Variants in ADCY9 observed in about 807,000 individuals in gnomAD.
ADCY9 encodes the protein adenylate cyclase 9, also known as adenylate cyclase type 9.
ADCY9 carries 50 observed loss-of-function variants against 101.5 expected under a neutral mutation model. The observed-to-expected ratio is 0.49, with a 90% CI of 0.39 to 0.62. The LOEUF (loss-of-function observed/expected upper bound fraction) is 0.62. Among genes scored for constraint, ADCY9 ranks in the 20% least tolerant of loss-of-function variants. The pLI is 0.00. For synonymous variants in ADCY9, 905 were observed against 769.3 expected (o/e 1.18, Z -2.92); for missense variants, 1,662 against 1,800.4 (o/e 0.92, Z 1.39).
intron 7 of ADCY9, among the ~76,000 whole-genome samples, chr16:3,979,955 G>A (rs1421516843): frequency 1.9e-5 from 2 of 104,334 alleles, no homozygotes; most frequent in Admixed American, 1.2e-4. Flanking sequence ...TGGAAACTGA[G>A]TGACAGTGGT....
chr16:4,004,094 A>T (rs1360031925), intron 3 of ADCY9, among the ~76,000 whole-genome samples: 4 of 151,782 alleles, frequency 2.6e-5, no homozygotes, highest in Non-Finnish European at 2.9e-5. Context: ...AAAAAAATTT[A>T]AAAATTAGCT....
intron 3 of ADCY9, among the ~76,000 whole-genome samples, chr16:4,000,140 A>G (rs2056319406): frequency 6.6e-6 from 1 of 152,252 alleles, no homozygotes; most frequent in Non-Finnish European, 1.5e-5. Context: ...AGGAATAGTC[A>G]TGATATTGCA....
intron 3 of ADCY9, among the ~76,000 whole-genome samples, chr16:3,999,054 G>A (rs1251493059): frequency 3.3e-5 from 5 of 152,068 alleles, no homozygotes; most frequent in Admixed American, 3.3e-4. Flanking sequence ...TCTGTGAAAT[G>A]TTTCCCAGCC....
intron 3 of ADCY9, among the ~76,000 whole-genome samples, chr16:4,002,612 C>A (rs187013575): frequency 6.6e-6 from 1 of 152,232 alleles, no homozygotes; most frequent in East Asian, 1.9e-4. Context: ...AGACCAGCCA[C>A]GCAGGTGCGC....
chr16:4,002,768 G>A (rs538116481), intron 3 of ADCY9, among the ~76,000 whole-genome samples: 11 of 152,310 alleles, frequency 7.2e-5, no homozygotes, highest in South Asian at 2.1e-4. Flanking sequence ...AGTCTGAAGT[G>A]CAGTGGCGTG....
chr16:4,061,824 TATAA>T (rs2056775255), intron 2 of ADCY9, among the ~76,000 whole-genome samples: 1 of 152,242 alleles, frequency 6.6e-6, no homozygotes, highest in African/African-American at 2.4e-5. Context: ...ACAGCAGATT[TATAA>T]ATAGTCTCTT....
chr16:4,112,539 ACGTCTCTGACTGACACTATTACTTCTGC>A (rs1283826798), intron 2 of ADCY9, among the ~76,000 whole-genome samples: 1 of 152,044 alleles, frequency 6.6e-6, no homozygotes, highest in Non-Finnish European at 1.5e-5. Context: ...CAACCACTGG[ACGTCTCTGACTGACACTATTACTTCTGC>A]CGTCTCTGAT....
At chr16:4,030,153 C>G (rs1371226577) in intron 2 of ADCY9, among the ~76,000 whole-genome samples, 1 of 152,170 alleles carries the variant, frequency 6.6e-6, no homozygotes, top group Non-Finnish European at 1.5e-5. Context: ...AATTCCCCTT[C>G]TAGACATTGA....
intron 2 of ADCY9, among the ~76,000 whole-genome samples, chr16:4,098,211 T>C (rs1290624860): frequency 4.6e-5 from 7 of 151,708 alleles, no homozygotes; most frequent in Admixed American, 4.6e-4. Flanking sequence ...TACGTTTTGG[T>C]TTGGGATTTT....
At chr16:4,091,193 C>T (rs982298860) in intron 2 of ADCY9, among the ~76,000 whole-genome samples, 2 of 152,256 alleles carry the variant, frequency 1.3e-5, no homozygotes, top group African/African-American at 2.4e-5. Context: ...CCTGCCTCAG[C>T]CTCCCGAGTA....
At chr16:4,085,077 G>A (rs557809101) in intron 2 of ADCY9, among the ~76,000 whole-genome samples, 6 of 152,132 alleles carry the variant, frequency 3.9e-5, no homozygotes, top group Admixed American at 2.6e-4. Flanking sequence ...GGAGGACACT[G>A]GAAGCTGGAC....
chr16:4,040,302 T>C (rs766060096), intron 2 of ADCY9, among the ~76,000 whole-genome samples: 1 of 151,958 alleles, frequency 6.6e-6, no homozygotes, highest in Admixed American at 6.6e-5. Context: ...TGCGGTGAGG[T>C]TGGGTTTTTC....
At chr16:3,970,884 G>C (rs2056045336) in intron 10 of ADCY9, among the ~76,000 whole-genome samples, 1 of 152,124 alleles carries the variant, frequency 6.6e-6, no homozygotes, top group Non-Finnish European at 1.5e-5. Flanking sequence ...AGATGGACTG[G>C]AGCATGGCTA....
chr16:3,974,819 T>C (rs1027968734), intron 9 of ADCY9, 109 bp from the exon 10 acceptor site: 15 of 852,588 alleles, frequency 1.8e-5, no homozygotes, highest in Non-Finnish European at 9.7e-6. Flanking sequence ...GACGTGGTTG[T>C]ACATCCACAT....
Position 3,965,689 on chromosome 16 carries a change from G to T in ADCY9, c.*86C>A. On this transcript the variant is annotated 3_prime_UTR_variant, in exon 11 of 11. Coordinates refer to ENST00000294016, the MANE Select transcript of ADCY9 (RefSeq NM_001116.4). ...AACACCACGTCCGGGGAGGGCAACTGTGGCGCTTGGAAAGCACAACAGCCA... is the reference window on the plus strand; with the variant it reads ...AACACCACGTCCGGGGAGGGCAACTTTGGCGCTTGGAAAGCACAACAGCCA... 1 of 1,310,198 alleles carries T rather than the reference G, an allele frequency of 7.6e-7. No homozygotes were observed. The highest frequency in any genetic ancestry group is 1.1e-6 in the Non-Finnish European group (1 of 944,996). 81.2% of individuals were successfully genotyped at this position (1,310,198 alleles called of 1,614,324 possible).
Position 3,979,400 on chromosome 16 carries a change from G to A in ADCY9, c.2520-125C>T, listed in dbSNP as rs911377700. The A allele has an allele frequency of 2.9e-5, 33 of 1,144,656 alleles. No individual in the cohort carries two copies. The Admixed American group carries it at 4.3e-4, about 15-fold the overall frequency. The allele number at this position is 1,144,656 out of a possible 1,614,324, so 70.9% of individuals were successfully genotyped here. On this transcript the variant is annotated intron_variant, in intron 7 of 10. Transcript: ENST00000294016. ...CTCCCGTGTTGCCCCTGGGATGGGC[G>A]TGAGAGCAGGCGTGGGGTGGGAGTC... is the stretch of plus-strand genomic sequence containing the variant.
intron 2 of ADCY9, among the ~76,000 whole-genome samples, chr16:4,112,569 G>GTCTCTGATTGAAACTATTACTTCTGCCA (rs2057120657): frequency 2.0e-5 from 3 of 151,954 alleles, no homozygotes; most frequent in Admixed American, 1.3e-4. Context: ...TACTTCTGCC[G>GTCTCTGATTGAAACTATTACTTCTGCCA]TCTCTGATTG....
chr16:3,957,216 C>A (rs868227760), intron 5 of ADCY9, among the ~76,000 whole-genome samples: 4 of 152,294 alleles, frequency 2.6e-5, no homozygotes, highest in Non-Finnish European at 4.4e-5. Flanking sequence ...GCCAATGATG[C>A]CCAGTTAGAA....
At chr16:4,041,397 G>C (rs2056625450) in intron 2 of ADCY9, among the ~76,000 whole-genome samples, 1 of 151,682 alleles carries the variant, frequency 6.6e-6, no homozygotes, top group South Asian at 2.1e-4. Context: ...CCAGCTACTT[G>C]GGAGCCTGAA....
Sources: gnomAD v4.1 joint callset for allele counts (sites outside exome capture counted in the v4.1 genomes callset) on GRCh38, gnomAD v4.1.1 for gene constraint, MANE v1.5 for transcripts, NCBI Gene and HGNC (gene_info 2026-07-23, HGNC 2026-07-21) for gene names.